Variants in COL6A1 observed in about 807,000 individuals in gnomAD.
COL6A1 encodes collagen alpha-1(VI) chain.
COL6A1 carries 80 observed loss-of-function variants against 145.6 expected under a neutral mutation model. The observed-to-expected ratio is 0.55, with a 90% CI of 0.46 to 0.66. The LOEUF is 0.66. COL6A1 is among the 30% of genes least tolerant of loss of function. COL6A1 has a pLI of 0.00. For synonymous variants in COL6A1, 638 were observed against 622.8 expected (o/e 1.02, Z -0.36); for missense variants, 1,364 against 1,473.8 (o/e 0.93, Z 1.22).
chr21:45,989,092 A>G lies in COL6A1; in HGVS notation c.813A>G (p.Arg271=), dbSNP rs748184568. Residue 271 remains arginine, a synonymous_variant, in exon 9 of 35, where the codon CGA becomes CGG. Coordinates refer to ENST00000361866, the MANE Select transcript of COL6A1 (RefSeq NM_001848.3). ...LRGDPGFEGE[R]GKPGLPGEKG... ...CCTGTTTTGTGTTCCAGGGAGAACGAGGCAAGCCGGGGCTCCCAGGAGAGA... is the reference window on the plus strand; with the variant it reads ...CCTGTTTTGTGTTCCAGGGAGAACGGGGCAAGCCGGGGCTCCCAGGAGAGA... The G allele has an allele frequency of 6.2e-6, 10 of 1,611,370 alleles. No homozygotes were observed. In the Admixed American group the frequency reaches 1.5e-4, roughly 24 times the overall value.
rs369412641 is a variant in COL6A1, at chr21:46,004,033, C to T, written c.*20C>T. The T allele has an allele frequency of 1.9e-5, 30 of 1,612,840 alleles. No homozygotes were observed. The highest frequency in any genetic ancestry group is 2.4e-5 in the Non-Finnish European group (28 of 1,179,992). ...GGCTAGCCCACCCTGCACGCCGGCACCAAACCCTGTCCTCCCACCCCTCCC... is the reference window on the plus strand; with the variant it reads ...GGCTAGCCCACCCTGCACGCCGGCATCAAACCCTGTCCTCCCACCCCTCCC... On this transcript the variant is annotated 3_prime_UTR_variant, in exon 35 of 35. Transcript: ENST00000361866.
intron 2 of COL6A1, among the ~76,000 whole-genome samples, chr21:45,983,097 C>T (rs964319945): frequency 1.3e-5 from 2 of 152,216 alleles, no homozygotes; most frequent in African/African-American, 4.8e-5. Flanking sequence ...CGAGAGGGCT[C>T]AGCGCACTGG....
intron 22 of COL6A1, 133 bp from the exon 23 acceptor site, chr21:45,997,987 TG>T: frequency 8.2e-7 from 1 of 1,225,816 alleles, no homozygotes; most frequent in Non-Finnish European, 1.2e-6. Context: ...ACCAGCAGGG[TG>T]GCCCCAGGGG....
At chr21:45,996,460 C>T (rs2077805058) in intron 20 of COL6A1, among the ~76,000 whole-genome samples, 1 of 152,222 alleles carries the variant, frequency 6.6e-6, no homozygotes, top group Non-Finnish European at 1.5e-5. Context: ...CTGGTGGAGG[C>T]CACGGGGTCA....
At chr21:45,991,866 G>T in intron 15 of COL6A1, 144 bp from the exon 16 acceptor site, 1 of 767,564 alleles carries the variant, frequency 1.3e-6, no homozygotes, top group Admixed American at 2.2e-5. Context: ...GATGGCTGAG[G>T]GTGCTGGGGG....
intron 33 of COL6A1, among the ~76,000 whole-genome samples, 176 bp from the exon 34 acceptor site, chr21:46,002,944 C>G (rs2123491643): frequency 6.8e-6 from 1 of 147,046 alleles, no homozygotes; most frequent in Admixed American, 6.7e-5. Flanking sequence ...GCACGGCCAC[C>G]CTGTAGGTGC....
chr21:45,997,566 G>C (rs887984726), intron 21 of COL6A1, 83 bp downstream of exon 21: 2 of 1,518,198 alleles, frequency 1.3e-6, no homozygotes, highest in Non-Finnish European at 1.8e-6. Context: ...TGCTGGCCCC[G>C]TGCCCTCTGA....
At position 46,003,494 on chromosome 21, in the gene COL6A1, C is replaced by T. The variant is rs771446601; in HGVS notation, c.2568C>T (p.Ala856=). The T allele has an allele frequency of 6.7e-5, 108 of 1,610,662 alleles. No individual in the cohort carries two copies. Among genetic ancestry groups the T allele is most frequent in the South Asian group, 5.5e-4 (50 of 91,008 alleles). The part of the protein sequence containing the change: ...DTTKRFAKRL[A]ERFLTAGRTD... The stretch of plus-strand genomic sequence containing the variant: ...CCAAGCGCTTCGCCAAGCGCCTGGC[C>T]GAGCGCTTCCTCACAGCGGGCAGGA... The change falls in exon 35 of 35, where the codon GCC becomes GCT. Residue 856 remains alanine (A), a synonymous_variant. Coordinates refer to ENST00000361866, the MANE Select transcript of COL6A1 (RefSeq NM_001848.3).
chr21:45,998,202 C>T lies in COL6A1; in HGVS notation c.1575+31C>T, dbSNP rs370121080. On this transcript the variant is annotated intron_variant, in intron 23 of 34. Coordinates refer to ENST00000361866, the MANE Select transcript of COL6A1 (RefSeq NM_001848.3). ...TGTCCGGAGGCTGAGCCCACAGGAA[C>T]ATGCCCAAGCTGCCTGCGGCGCCCT... 3.2e-4 allele frequency: 518 copies of T among 1,609,434 alleles called. 3 individuals are homozygous for T. Among genetic ancestry groups the T allele is most frequent in the Middle Eastern group, 3.3e-4 (2 of 6,052 alleles).
chr21:45,982,538 T>TGCTGCAGGCGCTGG, intron 1 of COL6A1, 96 bp from the exon 2 acceptor site: 1 of 1,578,456 alleles, frequency 6.3e-7, no homozygotes, highest in Non-Finnish European at 8.7e-7. Flanking sequence ...CGGGGCTCTG[T>TGCTGCAGGCGCTGG]GCTGCAGGCG....
Position 45,989,589 on chromosome 21 carries a change from A to G in COL6A1, c.859-19A>G, listed in dbSNP as rs2277814. 1,377,419 of 1,611,554 alleles carry G rather than the reference A, an allele frequency of 0.85. 589,168 individuals are homozygous for G. The highest frequency in any genetic ancestry group is 0.93 in the East Asian group (41,799 of 44,844). Reference sequence around the variant, plus strand: ...CCTGCTCCTCCGGGGGTGTCTCACCATCTCCTCCTGTGTTCCAGGGAAGAC... The same window carrying G: ...CCTGCTCCTCCGGGGGTGTCTCACCGTCTCCTCCTGTGTTCCAGGGAAGAC... On this transcript the variant is annotated intron_variant, in intron 9 of 34. Transcript: ENST00000361866.
In COL6A1 at chr21:46,002,370, C is replaced by T. The variant is rs201581233; in HGVS notation, c.2219C>T (p.Pro740Leu). Reference protein sequence around the residue: ...GRSDTQRDTTPLNVLCSPGIQ... With the variant: ...GRSDTQRDTTLLNVLCSPGIQ... Reference sequence around the variant, plus strand: ...TCAGACACTCAGAGGGACACCACACCGCTCAACGTGCTCTGCAGCCCCGGC... The same window carrying T: ...TCAGACACTCAGAGGGACACCACACTGCTCAACGTGCTCTGCAGCCCCGGC... The change falls in exon 32 of 35, where the codon CCG becomes CTG. Residue 740 changes from proline (P) to leucine (L), a missense_variant. Around this residue, in one of 3 missense-constraint regions of COL6A1, gnomAD observed 938 missense variants for 1,003.8 expected, o/e 0.93. Coordinates refer to ENST00000361866, the MANE Select transcript of COL6A1 (RefSeq NM_001848.3). 8.8e-6 allele frequency: 14 copies of T among 1,594,540 alleles called. No homozygotes were observed. The highest frequency in any genetic ancestry group is 1.8e-5 in the Admixed American group (1 of 56,642).
rs1384264680 is a variant in COL6A1, at chr21:45,984,205, TGGGACGGGTAGCGATGGCGCCA to T, written c.228-60_228-39del. The T allele has an allele frequency of 1.6e-5, 24 of 1,496,056 alleles. No individual in the cohort carries two copies. The East Asian group carries it at 5.4e-4, about 33-fold the overall frequency. The allele number at this position is 1,496,056 out of a possible 1,614,324, so 92.7% of individuals were successfully genotyped here. On this transcript the variant is annotated intron_variant, in intron 2 of 34. Transcript: ENST00000361866. ...TGTCCATCTGGGTGACGTCGCGCCC[TGGGACGGGTAGCGATGGCGCCA>T]GGGGCCGCCCGCCTCACGCCCGCCG...
chr21:46,003,257 G>A, intron 34 of COL6A1, 108 bp downstream of exon 34: 2 of 1,604,920 alleles, frequency 1.2e-6, no homozygotes, highest in Non-Finnish European at 1.7e-6. Flanking sequence ...CACGAGAGTA[G>A]GTGCATGGCT....
rs1185863223 is a variant in COL6A1, at chr21:45,994,162, T to C, written c.1336-5T>C. The C allele has an allele frequency of 1.3e-6, 2 of 1,597,688 alleles. 1 individual carries two copies. Among genetic ancestry groups the C allele is most frequent in the Non-Finnish European group, 1.7e-6 (2 of 1,173,356 alleles). ...GCTCCACACTCACGGCTCGTTTCTC[T>C]TCAGGGTGAAGCTGGCCCGCAGGGT... On this transcript the variant is annotated splice_polypyrimidine_tract_variant and splice_region_variant and intron_variant, in intron 19 of 34. Transcript: ENST00000361866. This position sits in a 1 kb window ranked among gnomAD's most constrained non-coding sequence, Gnocchi z 6.8.
rs777252148 is a variant in COL6A1, at chr21:45,994,227, C to G, written c.1396C>G (p.Pro466Ala). Reference sequence around the variant, plus strand: ...AGGCCCCGTTGGTGTCCCTGGAGACCCGGTAGGAAGCGCTGTGGGGTTGGG... The same window carrying G: ...AGGCCCCGTTGGTGTCCCTGGAGACGCGGTAGGAAGCGCTGTGGGGTTGGG... ...REGPVGVPGDPGEAGPIGPKG... is the reference protein window; with the variant it reads ...REGPVGVPGDAGEAGPIGPKG... Residue 466 changes from proline (P) to alanine (A), a missense_variant and splice_region_variant, in exon 20 of 35, where the codon CCG (proline) becomes GCG (alanine). Around this residue, in one of 3 missense-constraint regions of COL6A1, gnomAD observed 938 missense variants for 1,003.8 expected, o/e 0.93. Transcript: ENST00000361866. The surrounding 1 kb of genome is among the most constrained non-coding windows in gnomAD (Gnocchi z 6.8). The G allele has an allele frequency of 6.2e-7, 1 of 1,609,256 alleles. No homozygotes were observed. The highest frequency in any genetic ancestry group is 1.1e-5 in the South Asian group (1 of 89,744).
intron 18 of COL6A1, 32 bp downstream of exon 18, chr21:45,992,430 G>A (rs369119079): frequency 1.3e-4 from 204 of 1,609,122 alleles, no homozygotes; most frequent in Non-Finnish European, 1.6e-4. Context: ...TGCGCTGTTG[G>A]CCTCACCATG....
At chr21:45,998,505 AAC>A in intron 24 of COL6A1, 72 bp downstream of exon 24, 10 of 1,584,294 alleles carry the variant, frequency 6.3e-6, no homozygotes, top group South Asian at 3.3e-5. Context: ...CGCACGTGTG[AAC>A]ACACATGTGC....
chr21:46,001,682 C>A (rs919458157), intron 30 of COL6A1, among the ~76,000 whole-genome samples: 2 of 152,126 alleles, frequency 1.3e-5, no homozygotes, highest in African/African-American at 2.4e-5. Context: ...TGGACAGAAC[C>A]CAGGAGGGCT....
Sources: gnomAD v4.1 joint callset for allele counts (sites outside exome capture counted in the v4.1 genomes callset) on GRCh38, gnomAD v4.1.1 for gene constraint, gnomAD v4.1.1 regional missense constraint, Gnocchi (gnomAD v3.1) non-coding constraint, MANE v1.5 for transcripts, NCBI Gene and HGNC (gene_info 2026-07-23, HGNC 2026-07-21) for gene names.